ENTHD1: variants seen among roughly 807,000 people sequenced by gnomAD.
The protein encoded by ENTHD1 is ENTH domain containing 1.
A neutral mutation model predicts 39.1 loss-of-function variants in ENTHD1; 23 were observed. The ratio of observed to expected loss-of-function variants is 0.59; its 90% CI spans 0.42 to 0.83. ENTHD1 has a LOEUF of 0.83. Among genes scored for constraint, ENTHD1 ranks in the 40% least tolerant of loss-of-function variants. ENTHD1 has a pLI of 0.00. For missense variants in ENTHD1, 624 were observed against 705.4 expected, an observed-to-expected ratio of 0.88 and a Z score of 1.31; for synonymous variants, 230 against 258.2, an observed-to-expected ratio of 0.89 and a Z score of 1.05.
intron 6 of ENTHD1, 46 bp from the exon 7 acceptor site, chr22:39,744,329 T>A (rs1256280707): frequency 6.7e-7 from 1 of 1,499,074 alleles, no homozygotes; most frequent in South Asian, 1.4e-5. Context: ...AACATACAAA[T>A]GAGAGTAATA....
At chr22:39,869,205 G>A (rs914721885) in intron 2 of ENTHD1, among the ~76,000 whole-genome samples, 2 of 152,152 alleles carry the variant, frequency 1.3e-5, no homozygotes, top group African/African-American at 4.8e-5. Flanking sequence ...CAAAGACGTG[G>A]AATCAATCTA....
chr22:39,875,692 C>G (rs1456667118), intron 2 of ENTHD1: 17 of 1,612,140 alleles, frequency 1.1e-5, no homozygotes, highest in Non-Finnish European at 1.4e-5. Context: ...ATGCCGTCAC[C>G]CAGTTCGTTT....
At chr22:39,760,063 T>G (rs943699447) in intron 6 of ENTHD1, among the ~76,000 whole-genome samples, 2 of 152,062 alleles carry the variant, frequency 1.3e-5, no homozygotes, top group Non-Finnish European at 2.9e-5. Flanking sequence ...ATGTTCATTT[T>G]GCACTTGAAA....
intron 5 of ENTHD1, among the ~76,000 whole-genome samples, chr22:39,774,313 A>G (rs1246693160): frequency 6.6e-6 from 1 of 152,016 alleles, no homozygotes; most frequent in African/African-American, 2.4e-5. Flanking sequence ...GATGTCATCT[A>G]TTATTATACT....
intron 6 of ENTHD1, among the ~76,000 whole-genome samples, chr22:39,751,659 C>T (rs1273550828): frequency 6.6e-6 from 1 of 152,054 alleles, no homozygotes; most frequent in Admixed American, 6.6e-5. Context: ...TACTTGGCTT[C>T]CAGCAATTTG....
chr22:39,852,182 A>C (rs941007261), intron 3 of ENTHD1, among the ~76,000 whole-genome samples: 10 of 151,396 alleles, frequency 6.6e-5, no homozygotes, highest in South Asian at 4.2e-4. Context: ...AAAAAAAAAA[A>C]CCCAAAAACC....
At chr22:39,748,001 C>T (rs2065119358) in intron 6 of ENTHD1, among the ~76,000 whole-genome samples, 1 of 152,034 alleles carries the variant, frequency 6.6e-6, no homozygotes, top group Non-Finnish European at 1.5e-5. Flanking sequence ...GTAATCCCAG[C>T]CCTTTGGGAG....
rs576990291 is a variant in ENTHD1 at position 39,793,670 on chromosome 22, C to T, written c.832+27323G>A. On this transcript the variant is annotated intron_variant, in intron 5 of 6. Coordinates refer to ENST00000325157, the MANE Select transcript of ENTHD1 (RefSeq NM_152512.4). ...AATCCGGGGTCTAGTTTCATCCTTC[C>T]GCATATGGATATCCAGTTTTCCCAG... 4.0e-5 allele frequency among the ~76,000 whole-genome samples: 6 copies of T among 151,758 alleles called. No homozygotes were observed. The South Asian group carries it at 1.0e-3, about 26-fold the overall frequency.
intron 2 of ENTHD1, among the ~76,000 whole-genome samples, chr22:39,877,928 G>A (rs1261124020): frequency 1.3e-5 from 2 of 151,974 alleles, no homozygotes; most frequent in African/African-American, 4.8e-5. Flanking sequence ...CATACTAAAA[G>A]GAAAAAATCA....
chr22:39,779,921 G>A (rs949219056), intron 5 of ENTHD1, among the ~76,000 whole-genome samples: 18 of 151,982 alleles, frequency 1.2e-4, no homozygotes, highest in South Asian at 8.3e-4. Flanking sequence ...TGTGGTAACC[G>A]CAAGGCAAAA....
At chr22:39,852,485 AC>A (rs2066050088) in intron 3 of ENTHD1, among the ~76,000 whole-genome samples, 1 of 152,232 alleles carries the variant, frequency 6.6e-6, no homozygotes, top group African/African-American at 2.4e-5. Context: ...AGTTATGCAT[AC>A]CCTAACAACA....
At chr22:39,773,961 T>C (rs945667467) in intron 5 of ENTHD1, among the ~76,000 whole-genome samples, 1 of 152,182 alleles carries the variant, frequency 6.6e-6, no homozygotes, top group Non-Finnish European at 1.5e-5. Flanking sequence ...AAATGAAGGC[T>C]GTACACAATG....
At chr22:39,765,157 C>A in intron 6 of ENTHD1, 66 bp downstream of exon 6, 3 of 1,452,514 alleles carry the variant, frequency 2.1e-6, no homozygotes, top group East Asian at 2.5e-5. Flanking sequence ...TAAAATAATG[C>A]TTCAAAAGAG....
At chr22:39,775,413 G>A (rs2065358597) in intron 5 of ENTHD1, among the ~76,000 whole-genome samples, 1 of 152,102 alleles carries the variant, frequency 6.6e-6, no homozygotes, top group Non-Finnish European at 1.5e-5. Context: ...AGAAAGGAGA[G>A]GTCTTTATTT....
intron 4 of ENTHD1, among the ~76,000 whole-genome samples, chr22:39,831,622 C>A (rs948333318): frequency 6.6e-6 from 1 of 151,980 alleles, no homozygotes; most frequent in Non-Finnish European, 1.5e-5. Context: ...GTCAGGAGTT[C>A]AAGACCAGCC....
intron 2 of ENTHD1, among the ~76,000 whole-genome samples, chr22:39,868,385 A>G (rs2066208143): frequency 6.6e-6 from 1 of 151,564 alleles, no homozygotes; most frequent in South Asian, 2.1e-4. Flanking sequence ...AATGAACATG[A>G]GTGGTTGTGG....
intron 2 of ENTHD1, chr22:39,875,459 G>C (rs1350216335): frequency 9.1e-6 from 14 of 1,533,404 alleles, no homozygotes; most frequent in African/African-American, 1.4e-5. Flanking sequence ...GTCGCTGAGC[G>C]GCCAGGCCGT....
chr22:39,806,365 G>A (rs535335056), intron 5 of ENTHD1, among the ~76,000 whole-genome samples: 4 of 152,190 alleles, frequency 2.6e-5, no homozygotes, highest in Non-Finnish European at 4.4e-5. Context: ...TCAAAAGACA[G>A]CCCTGCTGGT....
chr22:39,748,331 T>C (rs2065122783), intron 6 of ENTHD1, among the ~76,000 whole-genome samples: 1 of 151,784 alleles, frequency 6.6e-6, no homozygotes, highest in South Asian at 2.1e-4. Context: ...AGAATTTGGG[T>C]TCCTTCTAGT....
Sources: allele counts gnomAD v4.1 joint callset (sites outside exome capture counted in the v4.1 genomes callset), GRCh38; gene constraint gnomAD v4.1.1; transcripts MANE v1.5; gene names NCBI Gene and HGNC (gene_info 2026-07-23, HGNC 2026-07-21).